DOCK3: variants seen among roughly 807,000 people sequenced by gnomAD.
The protein encoded by DOCK3 is dedicator of cytokinesis protein 3.
In DOCK3, 60 loss-of-function variants were observed where a neutral mutation model predicts 265.6. That is an observed-to-expected ratio of 0.23 (90% CI 0.18 to 0.28). The LOEUF (loss-of-function observed/expected upper bound fraction) is 0.28. DOCK3 is among the 10% of genes least tolerant of loss of function. The pLI, the probability that DOCK3 is intolerant of heterozygous loss-of-function variation, is 1.00. For missense variants in DOCK3, 1,981 were observed against 2,594.3 expected (o/e 0.76, Z 5.14); for synonymous variants, 881 against 938.0 (o/e 0.94, Z 1.11).
At chr3:51,146,037 G>C (rs575588199) in intron 9 of DOCK3, among the ~76,000 whole-genome samples, 1 of 152,348 alleles carries the variant, frequency 6.6e-6, no homozygotes, top group South Asian at 2.1e-4. Flanking sequence ...CTGCTCACCT[G>C]CTGTGCGGCC....
chr3:51,146,415 C>T lies in DOCK3; in HGVS notation c.747-134C>T, dbSNP rs533038545. On this transcript the variant is annotated intron_variant, in intron 9 of 52. Coordinates refer to ENST00000266037, the MANE Select transcript of DOCK3 (RefSeq NM_004947.5). The stretch of plus-strand genomic sequence containing the variant: ...AAAAAGAGGGTGTCCTGCCACTAGA[C>T]GTGTGTTTTTGGCCTTGCTTGTCAC... 963 of 793,434 alleles carry T rather than the reference C, an allele frequency of 1.2e-3. 3 individuals carry two copies. The highest frequency in any genetic ancestry group is 1.7e-3 in the Middle Eastern group (7 of 4,170). 49.1% of individuals were successfully genotyped at this position (793,434 alleles called of 1,614,324 possible). A position where few individuals can be genotyped will look rare whatever the true frequency, so the allele number is the denominator to read the frequency against.
At chr3:51,297,493 A>G (rs2082154122) in intron 27 of DOCK3, among the ~76,000 whole-genome samples, 2 of 152,210 alleles carry the variant, frequency 1.3e-5, no homozygotes, top group African/African-American at 4.8e-5. Flanking sequence ...TCAAAGATAG[A>G]AAACTCAATT....
intron 27 of DOCK3, among the ~76,000 whole-genome samples, chr3:51,296,225 G>A (rs1904786): frequency 0.91 from 138,826 of 152,214 alleles, 63,451 homozygotes; most frequent in African/African-American, 0.96. Flanking sequence ...CCCAGTTACA[G>A]TATCATCAAA....
intron 9 of DOCK3, among the ~76,000 whole-genome samples, chr3:51,116,870 G>A (rs1056765011): frequency 3.3e-5 from 5 of 152,162 alleles, no homozygotes; most frequent in Admixed American, 6.5e-5. Context: ...GGGCTGAGAC[G>A]ATGAGATTTT....
At chr3:51,315,747 C>G (rs1319765402) in intron 32 of DOCK3, among the ~76,000 whole-genome samples, 2 of 152,112 alleles carry the variant, frequency 1.3e-5, no homozygotes, top group Non-Finnish European at 2.9e-5. Context: ...AAATAACTTG[C>G]TAACAGCAAA....
intron 4 of DOCK3, among the ~76,000 whole-genome samples, chr3:50,921,285 C>T (rs1040305205): frequency 4.6e-5 from 7 of 152,168 alleles, no homozygotes; most frequent in African/African-American, 1.4e-4. Context: ...TCTTCTGCTT[C>T]ATTTCATTCA....
rs182015250 is a variant in DOCK3 at position 50,928,284 on chromosome 3, C to T, written c.219-5697C>T. Among the ~76,000 whole-genome samples the T allele has an allele frequency of 3.3e-5, 5 of 152,084 alleles. No individual in the cohort carries two copies. The East Asian group carries it at 9.7e-4, about 29-fold the overall frequency. ...ATTATCGCCAAAAGAATCTTTGTCC[C>T]TGTTAAACAGTTACTCCCCATTCTC... On this transcript the variant is annotated intron_variant, in intron 4 of 52. Coordinates refer to ENST00000266037, the MANE Select transcript of DOCK3 (RefSeq NM_004947.5).
chr3:50,929,746 T>C (rs1225369411), intron 4 of DOCK3, among the ~76,000 whole-genome samples: 2 of 152,210 alleles, frequency 1.3e-5, no homozygotes, highest in Non-Finnish European at 2.9e-5. Flanking sequence ...AGGAAATATG[T>C]CAAAATAAGA....
chr3:50,857,402 A>T (rs1417296305), intron 3 of DOCK3, among the ~76,000 whole-genome samples: 2 of 152,026 alleles, frequency 1.3e-5, no homozygotes, highest in Non-Finnish European at 2.9e-5. Flanking sequence ...CAATCTTGGG[A>T]GATTCTTTTC....
intron 51 of DOCK3, 130 bp from the exon 52 acceptor site, chr3:51,379,995 C>A: frequency 5.6e-6 from 4 of 717,762 alleles, no homozygotes; most frequent in Non-Finnish European, 9.0e-6. Context: ...GAGGTTTATC[C>A]ATAGCCCTCA....
intron 9 of DOCK3, among the ~76,000 whole-genome samples, chr3:51,133,833 G>T (rs1362338821): frequency 6.6e-6 from 1 of 152,102 alleles, no homozygotes; most frequent in African/African-American, 2.4e-5. Context: ...AAGGGTGCAG[G>T]ATTGAGAAGG....
intron 27 of DOCK3, among the ~76,000 whole-genome samples, chr3:51,285,921 C>T (rs1254718882): frequency 6.6e-6 from 1 of 152,118 alleles, no homozygotes; most frequent in African/African-American, 2.4e-5. Flanking sequence ...GGCAACAGTG[C>T]ATGACTCCAT....
chr3:51,354,742 A>G (rs560056638), intron 40 of DOCK3, 140 bp from the exon 41 acceptor site: 52 of 1,313,416 alleles, frequency 4.0e-5, no homozygotes, highest in South Asian at 3.6e-4. Flanking sequence ...CTTGAGTGCA[A>G]TGCCCTGTGC....
chr3:51,098,857 A>G (rs554810629), intron 9 of DOCK3, among the ~76,000 whole-genome samples: 1 of 152,168 alleles, frequency 6.6e-6, no homozygotes. Context: ...TTCTTTTTCT[A>G]CCCTGCTCTC....
At chr3:50,976,609 T>A (rs1033857633) in intron 5 of DOCK3, among the ~76,000 whole-genome samples, 7 of 151,062 alleles carry the variant, frequency 4.6e-5, no homozygotes, top group African/African-American at 1.7e-4. Flanking sequence ...CTGAAAAAAA[T>A]GTATATTCTG....
intron 5 of DOCK3, among the ~76,000 whole-genome samples, chr3:50,989,452 G>A (rs533582547): frequency 5.3e-5 from 8 of 152,230 alleles, no homozygotes; most frequent in African/African-American, 1.9e-4. Context: ...AGGAAACACA[G>A]GGGAGCCACA....
intron 22 of DOCK3, among the ~76,000 whole-genome samples, chr3:51,247,309 G>A (rs944198155): frequency 6.6e-6 from 1 of 152,188 alleles, no homozygotes; most frequent in African/African-American, 2.4e-5. Context: ...GTCTTCCATG[G>A]TCGTGACCAT....
intron 1 of DOCK3, among the ~76,000 whole-genome samples, chr3:50,732,076 C>T (rs1181048659): frequency 6.6e-6 from 1 of 151,736 alleles, no homozygotes. Context: ...CAAGTCCCTG[C>T]TTGGGTGCTG....
intron 5 of DOCK3, among the ~76,000 whole-genome samples, chr3:51,043,411 C>T (rs893675219): frequency 6.6e-6 from 1 of 152,154 alleles, no homozygotes; most frequent in Admixed American, 6.5e-5. Flanking sequence ...GCACTCCTTC[C>T]TTATACCATA....
Sources: gnomAD v4.1 joint callset for allele counts (sites outside exome capture counted in the v4.1 genomes callset) on GRCh38, gnomAD v4.1.1 for gene constraint, MANE v1.5 for transcripts, NCBI Gene and HGNC (gene_info 2026-07-23, HGNC 2026-07-21) for gene names.